CCDC38: variants seen among roughly 807,000 people sequenced by gnomAD.
The protein encoded by CCDC38 is coiled-coil domain containing 38, also known as coiled-coil domain-containing protein 38.
A neutral mutation model predicts 72.8 loss-of-function variants in CCDC38; 69 were observed. That is an observed-to-expected ratio of 0.95 (90% confidence interval 0.78 to 1.16). The LOEUF is 1.16. Ranked by LOEUF, CCDC38 falls within the 50% of genes most tolerant of loss-of-function variation. The pLI, the probability that CCDC38 is intolerant of heterozygous loss-of-function variation, is 0.00. For missense variants in CCDC38, 626 were observed against 638.9 expected, an observed-to-expected ratio of 0.98 and a Z score of 0.22; for synonymous variants, 201 against 213.2, an observed-to-expected ratio of 0.94 and a Z score of 0.50.
At chr12:95,868,152 A>G (rs1565938865) in intron 15 of CCDC38, among the ~76,000 whole-genome samples, 1 of 152,196 alleles carries the variant, frequency 6.6e-6, no homozygotes, top group Non-Finnish European at 1.5e-5. Context: ...GTCAGCTTCT[A>G]TCAGAGGTCT....
chr12:95,883,925 C>A (rs1007147031), intron 10 of CCDC38, among the ~76,000 whole-genome samples: 1 of 152,130 alleles, frequency 6.6e-6, no homozygotes, highest in Non-Finnish European at 1.5e-5. Flanking sequence ...AAAACTGGAA[C>A]AGAGAAGAAC....
At chr12:95,941,296 T>A (rs896177141) in intron 1 of CCDC38, among the ~76,000 whole-genome samples, 3 of 152,232 alleles carry the variant, frequency 2.0e-5, no homozygotes, top group Non-Finnish European at 4.4e-5. Context: ...ATCTTTAACT[T>A]AATTGGCCAG....
intron 2 of CCDC38, among the ~76,000 whole-genome samples, chr12:95,930,048 A>G (rs1447130758): frequency 3.3e-5 from 5 of 152,252 alleles, no homozygotes; most frequent in African/African-American, 7.2e-5. Context: ...TGAGATCCTT[A>G]TCTTAATTAC....
intron 5 of CCDC38, among the ~76,000 whole-genome samples, chr12:95,902,431 G>A (rs538948252): frequency 5.9e-5 from 9 of 152,022 alleles, no homozygotes; most frequent in African/African-American, 2.2e-4. Flanking sequence ...CACTATAGAC[G>A]AACTTGCATT....
At chr12:95,869,976 A>C (rs1201586786) in intron 14 of CCDC38, among the ~76,000 whole-genome samples, 1 of 152,084 alleles carries the variant, frequency 6.6e-6, no homozygotes, top group Non-Finnish European at 1.5e-5. Flanking sequence ...GGTGCATGCC[A>C]CCACACCCGG....
At chr12:95,906,780 T>TC (rs1249435443) in intron 4 of CCDC38, among the ~76,000 whole-genome samples, 1 of 149,278 alleles carries the variant, frequency 6.7e-6, no homozygotes, top group Non-Finnish European at 1.5e-5. Context: ...CTTTTTTTTT[T>TC]TTTTCCAATC....
At chr12:95,889,396 T>C (rs2079798570) in intron 9 of CCDC38, among the ~76,000 whole-genome samples, 1 of 152,040 alleles carries the variant, frequency 6.6e-6, no homozygotes, top group Non-Finnish European at 1.5e-5. Flanking sequence ...ACTTCTATAT[T>C]CAAAATTTCA....
At chr12:95,875,785 T>C (rs1004654362) in intron 13 of CCDC38, among the ~76,000 whole-genome samples, 2 of 152,226 alleles carry the variant, frequency 1.3e-5, no homozygotes, top group East Asian at 1.9e-4. Flanking sequence ...TTTACACTTG[T>C]GATCAAAATT....
At chr12:95,933,369 G>C (rs1385132273) in intron 2 of CCDC38, 1 of 151,976 alleles carries the variant, frequency 6.6e-6, no homozygotes, top group Non-Finnish European at 1.5e-5. Flanking sequence ...AAGAAAAATA[G>C]AAAAAAGACT....
At chr12:95,906,280 A>G in intron 5 of CCDC38, 107 bp downstream of exon 5, 1 of 780,506 alleles carries the variant, frequency 1.3e-6, no homozygotes, top group Non-Finnish European at 2.1e-6. Context: ...TGTTCAACCA[A>G]TAGATTTGGG....
rs117020839 is a variant in CCDC38, at chr12:95,881,673, C to T, written c.921-119G>A. ...ACTGTAACATAATTATTTTCAATAG[C>T]AGGTTTAGCCTTTTAGGGAACTGCT... On this transcript the variant is annotated intron_variant, in intron 10 of 15. Coordinates refer to ENST00000344280, the MANE Select transcript of CCDC38 (RefSeq NM_182496.3). 4.2e-3 allele frequency: 2,777 copies of T among 666,836 alleles called. 15 individuals are homozygous for T. The highest frequency in any genetic ancestry group is 0.032 in the Middle Eastern group (123 of 3,822). 41.3% of individuals were successfully genotyped at this position (666,836 alleles called of 1,614,324 possible).
At chr12:95,939,890 CT>C (rs1025742659) in intron 1 of CCDC38, among the ~76,000 whole-genome samples, 2 of 152,098 alleles carry the variant, frequency 1.3e-5, no homozygotes, top group Non-Finnish European at 2.9e-5. Context: ...GACCCCTGGC[CT>C]TTGGGGGCAG....
At chr12:95,930,947 C>T (rs1272402054) in intron 2 of CCDC38, among the ~76,000 whole-genome samples, 1 of 143,922 alleles carries the variant, frequency 6.9e-6, no homozygotes. Context: ...CTCTAAGCTG[C>T]CTTGCAAATC....
At chr12:95,932,813 T>G (rs2136741569) in intron 2 of CCDC38, among the ~76,000 whole-genome samples, 1 of 152,260 alleles carries the variant, frequency 6.6e-6, no homozygotes, top group Admixed American at 6.5e-5. Flanking sequence ...GAGACAAGAA[T>G]AGTGAGAACC....
intron 13 of CCDC38, among the ~76,000 whole-genome samples, chr12:95,874,152 C>T (rs1281382675): frequency 6.6e-6 from 1 of 152,036 alleles, no homozygotes; most frequent in Non-Finnish European, 1.5e-5. Context: ...TAAAAGTAAC[C>T]CATCGGATTG....
intron 2 of CCDC38, among the ~76,000 whole-genome samples, chr12:95,931,521 C>T (rs1040151687): frequency 3.9e-5 from 6 of 152,218 alleles, no homozygotes; most frequent in African/African-American, 1.2e-4. Flanking sequence ...TTGCTCCTTA[C>T]TGACACTCTA....
At chr12:95,877,087 T>G (rs2079643919) in intron 13 of CCDC38, among the ~76,000 whole-genome samples, 1 of 152,080 alleles carries the variant, frequency 6.6e-6, no homozygotes. Context: ...TCTCCAGGCC[T>G]CCACAGACAA....
chr12:95,936,907 G>T (rs2080400458), intron 1 of CCDC38, among the ~76,000 whole-genome samples: 1 of 152,172 alleles, frequency 6.6e-6, no homozygotes, highest in Non-Finnish European at 1.5e-5. Flanking sequence ...ATTAAAAAAT[G>T]CATGCAAAAA....
Position 95,936,528 on chromosome 12 carries a change from T to A in CCDC38, c.-14-5A>T, listed in dbSNP as rs777749394. 2.5e-6 allele frequency: 4 copies of A among 1,577,648 alleles called. No homozygotes were observed. Among genetic ancestry groups the A allele is most frequent in the Non-Finnish European group, 3.4e-6 (4 of 1,168,214 alleles). On this transcript the variant is annotated splice_polypyrimidine_tract_variant and splice_region_variant and intron_variant, in intron 1 of 15. Coordinates refer to ENST00000344280, the MANE Select transcript of CCDC38 (RefSeq NM_182496.3). ...AGGACATTTTCTTGCCTGGCCCTGTTGAAAGAAAAAAAAATACGTTTTTTA... is the reference window on the plus strand; with the variant it reads ...AGGACATTTTCTTGCCTGGCCCTGTAGAAAGAAAAAAAAATACGTTTTTTA...
Sources: allele counts gnomAD v4.1 joint callset (sites outside exome capture counted in the v4.1 genomes callset), GRCh38; gene constraint gnomAD v4.1.1; transcripts MANE v1.5; gene names NCBI Gene and HGNC (gene_info 2026-07-23, HGNC 2026-07-21).